ZNF385B: variants seen among roughly 807,000 people sequenced by gnomAD.
The protein encoded by ZNF385B is zinc finger protein 533.
Under a neutral mutation model 39.2 loss-of-function variants are expected in ZNF385B, and 23 were observed. The observed-to-expected ratio is 0.59, with a 90% CI of 0.42 to 0.83. The LOEUF (loss-of-function observed/expected upper bound fraction) is 0.83. Among genes scored for constraint, ZNF385B ranks in the 40% least tolerant of loss-of-function variants. The probability of loss-of-function intolerance (pLI) is 0.00; values close to 1 mark genes in which losing one functional copy is unlikely to be tolerated. For missense variants in ZNF385B, 552 were observed against 598.9 expected (o/e 0.92, Z 0.82); for synonymous variants, 205 against 222.6 (o/e 0.92, Z 0.70).
intron 5 of ZNF385B, among the ~76,000 whole-genome samples, chr2:179,504,672 G>C (rs200346864): frequency 4.6e-4 from 70 of 152,070 alleles, no homozygotes; most frequent in African/African-American, 1.3e-3. Context: ...GTGGGGAGAG[G>C]GGGGAGGGAT....
intron 1 of ZNF385B, among the ~76,000 whole-genome samples, chr2:179,845,811 G>T (rs1708772373): frequency 6.6e-6 from 1 of 152,268 alleles, no homozygotes; most frequent in East Asian, 1.9e-4. Flanking sequence ...AGATGCCCTA[G>T]AATTTAAAGT....
intron 3 of ZNF385B, among the ~76,000 whole-genome samples, chr2:179,581,663 C>T (rs1686535386): frequency 6.6e-6 from 1 of 152,126 alleles, no homozygotes; most frequent in Non-Finnish European, 1.5e-5. Context: ...TCCAAAATAT[C>T]AGAAGTATGA....
intron 5 of ZNF385B, among the ~76,000 whole-genome samples, chr2:179,491,815 T>C (rs2055261539): frequency 6.6e-6 from 1 of 152,144 alleles, no homozygotes; most frequent in South Asian, 2.1e-4. Context: ...CCTCCTGCTT[T>C]AGCCTCCCAA....
At chr2:179,507,209 A>G (rs17747835) in intron 5 of ZNF385B, among the ~76,000 whole-genome samples, 10,396 of 152,280 alleles carry the variant, frequency 0.068, 414 homozygotes, top group South Asian at 0.12. Context: ...AGAAGGGAAG[A>G]TTCAGTCATA....
At chr2:179,576,819 T>A (rs535476345) in intron 3 of ZNF385B, among the ~76,000 whole-genome samples, 1 of 152,274 alleles carries the variant, frequency 6.6e-6, no homozygotes, top group African/African-American at 2.4e-5. Context: ...CTAAGCCATA[T>A]CCACATGGGC....
intron 3 of ZNF385B, among the ~76,000 whole-genome samples, chr2:179,752,216 A>G (rs987066245): frequency 3.9e-5 from 6 of 152,044 alleles, no homozygotes; most frequent in Non-Finnish European, 8.8e-5. Flanking sequence ...TAGTTTGCTG[A>G]GAATGATGGT....
intron 5 of ZNF385B, among the ~76,000 whole-genome samples, chr2:179,486,036 G>T (rs1035580322): frequency 6.6e-6 from 1 of 151,962 alleles, no homozygotes; most frequent in Non-Finnish European, 1.5e-5. Flanking sequence ...TAATCACGTG[G>T]GGAGAAAAGT....
intron 3 of ZNF385B, among the ~76,000 whole-genome samples, chr2:179,567,737 G>T (rs1284462215): frequency 2.0e-5 from 3 of 152,180 alleles, no homozygotes; most frequent in African/African-American, 7.2e-5. Context: ...TAAAATTTGT[G>T]ATTCTTTGAT....
intron 1 of ZNF385B, among the ~76,000 whole-genome samples, chr2:179,807,933 G>GAAAGAAAGAAAGAAA (rs1553538065): frequency 4.5e-4 from 44 of 97,702 alleles, no homozygotes; most frequent in African/African-American, 1.3e-3. Flanking sequence ...AAAGAAAGAA[G>GAAAGAAAGAAAGAAA]GAAGGAAGGA....
intron 3 of ZNF385B, among the ~76,000 whole-genome samples, chr2:179,763,033 T>C (rs971857620): frequency 1.3e-5 from 2 of 152,190 alleles, no homozygotes; most frequent in Admixed American, 6.5e-5. Flanking sequence ...ACCTCCAGAA[T>C]AGCTGGGAAT....
chr2:179,777,664 A>G (rs1030671640), intron 1 of ZNF385B, among the ~76,000 whole-genome samples: 2 of 152,094 alleles, frequency 1.3e-5, no homozygotes, highest in African/African-American at 2.4e-5. Context: ...AGATGAATTA[A>G]AAGCAAAAGA....
rs139035007 is a variant in ZNF385B, at chr2:179,833,460, A to C, written c.-155+27641T>G. On this transcript the variant is annotated intron_variant, in intron 1 of 9. Coordinates refer to ENST00000410066, the MANE Select transcript of ZNF385B (RefSeq NM_152520.6). ...ATATAAATTTAAAAGATTTACAATT[A>C]AAGAAGAAAGTAATAATGCAGAATC... Among the ~76,000 whole-genome samples the C allele has an allele frequency of 5.3e-4, 80 of 152,320 alleles. 1 individual carries two copies. The East Asian group carries it at 0.014, about 27-fold the overall frequency.
chr2:179,539,848 G>A (rs879641928), intron 4 of ZNF385B, among the ~76,000 whole-genome samples: 1 of 152,052 alleles, frequency 6.6e-6, no homozygotes, highest in Admixed American at 6.5e-5. Context: ...ATGTTTCTTG[G>A]TTTTTATCTT....
chr2:179,710,585 C>T (rs955621428), intron 3 of ZNF385B, among the ~76,000 whole-genome samples: 1 of 152,146 alleles, frequency 6.6e-6, no homozygotes, highest in Non-Finnish European at 1.5e-5. Flanking sequence ...TGCTGAAGAG[C>T]GGGGGCCAGT....
At chr2:179,636,677 G>A (rs543415475) in intron 3 of ZNF385B, among the ~76,000 whole-genome samples, 20 of 152,290 alleles carry the variant, frequency 1.3e-4, no homozygotes, top group African/African-American at 4.6e-4. Flanking sequence ...TTTGTCTTGA[G>A]AGAATCATCA....
intron 5 of ZNF385B, among the ~76,000 whole-genome samples, chr2:179,493,982 T>C (rs1481330991): frequency 1.3e-5 from 2 of 150,896 alleles, no homozygotes; most frequent in East Asian, 3.9e-4. Context: ...TATGGGGACA[T>C]AGATAAGAAA....
intron 3 of ZNF385B, among the ~76,000 whole-genome samples, chr2:179,676,737 G>C (rs1696883724): frequency 6.6e-6 from 1 of 152,108 alleles, no homozygotes; most frequent in Non-Finnish European, 1.5e-5. Context: ...TTCTTCACTG[G>C]GGGGGATTTT....
chr2:179,706,291 G>GT (rs1372393855), intron 3 of ZNF385B, among the ~76,000 whole-genome samples: 2 of 152,158 alleles, frequency 1.3e-5, no homozygotes, highest in Admixed American at 1.3e-4. Context: ...AAACTTGCAT[G>GT]TTTTTTACAA....
At chr2:179,623,995 G>C (rs1224690431) in intron 3 of ZNF385B, among the ~76,000 whole-genome samples, 2 of 152,130 alleles carry the variant, frequency 1.3e-5, no homozygotes, top group African/African-American at 2.4e-5. Context: ...TTGGCAGCCT[G>C]GTAGTTGTTT....
Sources: allele counts gnomAD v4.1 joint callset (sites outside exome capture counted in the v4.1 genomes callset), GRCh38; gene constraint gnomAD v4.1.1; transcripts MANE v1.5; gene names NCBI Gene and HGNC (gene_info 2026-07-23, HGNC 2026-07-21).